LSAMP: variants seen among roughly 807,000 people sequenced by gnomAD.
LSAMP encodes the protein limbic system associated membrane protein.
Under a neutral mutation model 38.6 loss-of-function variants are expected in LSAMP, and 7 were observed. That is an observed-to-expected ratio of 0.18 (90% CI 0.10 to 0.34). The LOEUF is 0.34. LSAMP is among the 10% of genes least tolerant of loss of function. The probability of loss-of-function intolerance (pLI) is 1.00; values close to 1 mark genes in which losing one functional copy is unlikely to be tolerated. For missense variants in LSAMP, 313 were observed against 420.0 expected (o/e 0.75, Z 2.23); for synonymous variants, 154 against 166.8 (o/e 0.92, Z 0.59).
intron 3 of LSAMP, among the ~76,000 whole-genome samples, chr3:115,936,168 C>A (rs1182109804): frequency 6.6e-6 from 1 of 152,178 alleles, no homozygotes; most frequent in Non-Finnish European, 1.5e-5. Context: ...CAGTGTTTTC[C>A]TACTTAAAGT....
At chr3:115,861,359 C>A (rs922020320) in intron 3 of LSAMP, among the ~76,000 whole-genome samples, 1 of 151,984 alleles carries the variant, frequency 6.6e-6, no homozygotes, top group East Asian at 1.9e-4. Context: ...TTTTGATGAG[C>A]CTTCCTGTGA....
intron 1 of LSAMP, among the ~76,000 whole-genome samples, chr3:116,263,775 C>T (rs565216409): frequency 3.3e-5 from 5 of 152,212 alleles, no homozygotes; most frequent in African/African-American, 4.8e-5. Context: ...ACTAATATCA[C>T]TTGTATTAAT....
chr3:116,006,650 G>T (rs1353745618), intron 3 of LSAMP, among the ~76,000 whole-genome samples: 2 of 152,130 alleles, frequency 1.3e-5, no homozygotes, highest in Non-Finnish European at 2.9e-5. Context: ...AAGTAAGCCT[G>T]TCTAAATTCC....
At chr3:116,252,940 A>C (rs1424452722) in intron 1 of LSAMP, among the ~76,000 whole-genome samples, 5 of 152,254 alleles carry the variant, frequency 3.3e-5, no homozygotes, top group African/African-American at 1.2e-4. Context: ...TTTGGTTTAC[A>C]ATAACCTGAC....
At chr3:116,158,142 TAA>T (rs1379397301) in intron 1 of LSAMP, among the ~76,000 whole-genome samples, 1 of 152,110 alleles carries the variant, frequency 6.6e-6, no homozygotes, top group African/African-American at 2.4e-5. Context: ...AGGCTTTTGT[TAA>T]AAGTCAACAT....
intron 1 of LSAMP, among the ~76,000 whole-genome samples, chr3:116,318,744 C>A (rs1243209096): frequency 1.3e-5 from 2 of 152,108 alleles, no homozygotes; most frequent in African/African-American, 4.8e-5. Flanking sequence ...ATACTGTAAC[C>A]AAGGCCTCTT....
chr3:116,074,149 A>T (rs964754068), intron 2 of LSAMP, among the ~76,000 whole-genome samples: 1 of 152,218 alleles, frequency 6.6e-6, no homozygotes, highest in Non-Finnish European at 1.5e-5. Flanking sequence ...TCTATTAAAA[A>T]TTCTAATTCT....
chr3:116,065,839 G>A (rs1437225283), intron 2 of LSAMP, among the ~76,000 whole-genome samples: 1 of 152,176 alleles, frequency 6.6e-6, no homozygotes, highest in East Asian at 1.9e-4. Context: ...CAACAGACCT[G>A]AGCTCAAATC....
At chr3:116,232,702 T>TTTTTTTTG (rs1553715839) in intron 1 of LSAMP, among the ~76,000 whole-genome samples, 3 of 129,692 alleles carry the variant, frequency 2.3e-5, no homozygotes, top group Admixed American at 2.2e-4. Flanking sequence ...TTTCTTTCTT[T>TTTTTTTTG]TTTTTTTTTT....
intron 1 of LSAMP, among the ~76,000 whole-genome samples, chr3:116,219,347 A>G (rs187527689): frequency 1.3e-5 from 2 of 152,342 alleles, no homozygotes; most frequent in East Asian, 3.9e-4. Context: ...TTATCTGTTT[A>G]TCTGTTAATG....
chr3:116,023,580 G>A (rs887490185), intron 2 of LSAMP, among the ~76,000 whole-genome samples: 6 of 146,578 alleles, frequency 4.1e-5, no homozygotes, highest in Non-Finnish European at 8.9e-5. Context: ...ACTCCAGCCT[G>A]GGTGACAGAG....
intron 3 of LSAMP, among the ~76,000 whole-genome samples, chr3:115,930,896 C>T (rs1186302102): frequency 6.6e-6 from 1 of 152,082 alleles, no homozygotes; most frequent in Non-Finnish European, 1.5e-5. Flanking sequence ...ATCTTAATGG[C>T]ATATTTACTT....
At chr3:115,896,310 A>G (rs555137742) in intron 3 of LSAMP, among the ~76,000 whole-genome samples, 1 of 152,114 alleles carries the variant, frequency 6.6e-6, no homozygotes, top group Non-Finnish European at 1.5e-5. Flanking sequence ...GCTAAAAATA[A>G]TGGTCTTTAG....
chr3:116,061,735 G>T (rs1393983829), intron 2 of LSAMP, among the ~76,000 whole-genome samples: 1 of 151,918 alleles, frequency 6.6e-6, no homozygotes, highest in Admixed American at 6.6e-5. Flanking sequence ...CTTCATAAAG[G>T]GACAGTTTTT....
chr3:116,329,502 CTTTTG>C (rs887773138), intron 1 of LSAMP, among the ~76,000 whole-genome samples: 31 of 152,228 alleles, frequency 2.0e-4, no homozygotes, highest in Middle Eastern at 3.4e-3. Context: ...GAACTTTGGA[CTTTTG>C]TTTGTTTGCT....
chr3:116,365,831 G>A (rs1184259242), intron 1 of LSAMP, among the ~76,000 whole-genome samples: 1 of 95,756 alleles, frequency 1.0e-5, no homozygotes, highest in Non-Finnish European at 2.0e-5. Context: ...CATGGACACA[G>A]GAAGGGGAAT....
chr3:116,299,418 T>C (rs1339847097), intron 1 of LSAMP, among the ~76,000 whole-genome samples: 1 of 152,258 alleles, frequency 6.6e-6, no homozygotes, highest in East Asian at 1.9e-4. Context: ...ACTCTTTCAA[T>C]ATCCACTGAC....
chr3:116,319,550 A>G (rs1319947631), intron 1 of LSAMP, among the ~76,000 whole-genome samples: 1 of 152,188 alleles, frequency 6.6e-6, no homozygotes, highest in Non-Finnish European at 1.5e-5. Context: ...AATTTTTTAA[A>G]TATCACCAAT....
chr3:115,813,759 C>CA (rs964731272), intron 6 of LSAMP, among the ~76,000 whole-genome samples: 3 of 152,094 alleles, frequency 2.0e-5, no homozygotes, highest in African/African-American at 4.8e-5. Context: ...ATGGCTATTT[C>CA]AGGGAAGAAT....
Sources: allele counts gnomAD v4.1 joint callset (sites outside exome capture counted in the v4.1 genomes callset), GRCh38; gene constraint gnomAD v4.1.1; transcripts MANE v1.5; gene names NCBI Gene and HGNC (gene_info 2026-07-23, HGNC 2026-07-21).